TP73: variants seen among roughly 807,000 people sequenced by gnomAD.
TP73 encodes p53-like transcription factor.
Under a neutral mutation model 62.5 loss-of-function variants are expected in TP73, and 25 were observed. The observed-to-expected ratio is 0.40, with a 90% confidence interval of 0.29 to 0.56. The LOEUF (loss-of-function observed/expected upper bound fraction) is 0.56. Among genes scored for constraint, TP73 ranks in the 20% least tolerant of loss-of-function variants. TP73 has a pLI of 0.46. For missense variants in TP73, 754 were observed against 913.3 expected (o/e 0.83, Z 2.25); for synonymous variants, 423 against 377.5 (o/e 1.12, Z -1.40).
chr1:3,707,311 G>A (rs1007440774), intron 3 of TP73, among the ~76,000 whole-genome samples: 7 of 152,196 alleles, frequency 4.6e-5, no homozygotes, highest in African/African-American at 1.7e-4. Flanking sequence ...ATCAACGGCT[G>A]GGTGGATCCC....
At position 3,707,543 on chromosome 1, in the gene TP73, C is replaced by A. The variant is rs1229632909; in HGVS notation, c.187-6C>A. On this transcript the variant is annotated splice_polypyrimidine_tract_variant and splice_region_variant and intron_variant, in intron 3 of 13. Coordinates refer to ENST00000378295, the MANE Select transcript of TP73 (RefSeq NM_005427.4). Reference sequence around the variant, plus strand: ...TCCCCCTCCCTCCTCCCCTTTCCCGCGCCAGGCCCAGTTCAATCTGCTGAG... The same window carrying A: ...TCCCCCTCCCTCCTCCCCTTTCCCGAGCCAGGCCCAGTTCAATCTGCTGAG... The A allele has an allele frequency of 1.9e-6, 3 of 1,602,464 alleles. No homozygotes were observed. The highest frequency in any genetic ancestry group is 2.6e-6 in the Non-Finnish European group (3 of 1,171,412).
chr1:3,691,523 G>A (rs970697939), intron 3 of TP73, among the ~76,000 whole-genome samples: 1 of 152,104 alleles, frequency 6.6e-6, no homozygotes, highest in African/African-American at 2.4e-5. Flanking sequence ...GGCCTCTTGC[G>A]CCACCCGCCC....
intron 3 of TP73, among the ~76,000 whole-genome samples, chr1:3,688,240 A>G (rs1645715398): frequency 3.3e-5 from 5 of 152,072 alleles, no homozygotes; most frequent in Admixed American, 3.3e-4. Flanking sequence ...GTGACAAAGC[A>G]CTTTGGGGCT....
Position 3,696,531 on chromosome 1 carries a change from C to T in TP73, c.187-11018C>T, listed in dbSNP as rs563217381. On this transcript the variant is annotated intron_variant, in intron 3 of 13. Transcript: ENST00000378295. This position sits in a 1 kb window ranked among gnomAD's most constrained non-coding sequence, Gnocchi z 4.1. Reference sequence around the variant, plus strand: ...TGGAGCTGAGCACTGGGCACTACGACATCCGAGACACCAAGCAGAGGGGGA... The same window carrying T: ...TGGAGCTGAGCACTGGGCACTACGATATCCGAGACACCAAGCAGAGGGGGA... Among the ~76,000 whole-genome samples, 69 of 151,784 alleles carry T rather than the reference C, an allele frequency of 4.5e-4. No homozygotes were observed. The highest frequency in any genetic ancestry group is 1.3e-3 in the African/African-American group (55 of 41,358).
rs530483721 is a variant in TP73, at chr1:3,658,807, G to A, written c.-34+6166G>A. 1.7e-4 allele frequency: 25 copies of A among 151,024 alleles called. No individual in the cohort carries two copies. In the East Asian group the frequency reaches 2.9e-3, roughly 18 times the overall value. The allele number at this position is 151,024 out of a possible 1,614,324, so 9.4% of individuals were successfully genotyped here. ...TCCTACAGTCATATTTTGGGGTGAC[G>A]TATTCTGGTCTCCTACAGTCATATT... On this transcript the variant is annotated intron_variant, in intron 1 of 13. Transcript: ENST00000378295.
chr1:3,714,005 A>G (rs987111199), intron 4 of TP73, among the ~76,000 whole-genome samples: 3 of 152,088 alleles, frequency 2.0e-5, no homozygotes, highest in Non-Finnish European at 4.4e-5. Flanking sequence ...CAAGGGTTGC[A>G]AACCCACCCC....
At chr1:3,694,742 G>A (rs112835315) in intron 3 of TP73, among the ~76,000 whole-genome samples, 6 of 33,464 alleles carry the variant, frequency 1.8e-4, no homozygotes, top group Admixed American at 2.6e-4. Context: ...CCCTCCTCCC[G>A]CAATCCCAGC....
Position 3,670,755 on chromosome 1 carries a change from T to A in TP73, c.-33-11578T>A, listed in dbSNP as rs919004023. Among the ~76,000 whole-genome samples, 1 of 152,152 alleles carries A rather than the reference T, an allele frequency of 6.6e-6. No individual in the cohort carries two copies. The highest frequency in any genetic ancestry group is 2.4e-5 in the African/African-American group (1 of 41,426). ...GGAAGTCGAGCAATTTAACCCCAAATGGTGCTTCTCCAGCAGTCACTCTGT... is the reference window on the plus strand; with the variant it reads ...GGAAGTCGAGCAATTTAACCCCAAAAGGTGCTTCTCCAGCAGTCACTCTGT... On this transcript the variant is annotated intron_variant, in intron 1 of 13. Coordinates refer to ENST00000378295, the MANE Select transcript of TP73 (RefSeq NM_005427.4). This position sits in a 1 kb window ranked among gnomAD's most constrained non-coding sequence, Gnocchi z 5.9.
chr1:3,671,598 G>T (rs114828477), intron 1 of TP73, among the ~76,000 whole-genome samples: 1,802 of 152,346 alleles, frequency 0.012, 41 homozygotes, highest in African/African-American at 0.038. Context: ...GAGCTCACCG[G>T]AGCCCAGCCT....
intron 6 of TP73, among the ~76,000 whole-genome samples, chr1:3,724,182 G>A (rs1468369028): frequency 2.6e-5 from 4 of 152,128 alleles, no homozygotes; most frequent in Non-Finnish European, 5.9e-5. Context: ...GAAAGGCTGG[G>A]GTAGGGGGAA....
chr1:3,695,324 G>A (rs1380304106), intron 3 of TP73, among the ~76,000 whole-genome samples: 1 of 152,154 alleles, frequency 6.6e-6, no homozygotes, highest in Admixed American at 6.5e-5. Context: ...TTCCTCCTGG[G>A]GCCGCTGTTC....
chr1:3,689,949 A>G (rs937516826), intron 3 of TP73, among the ~76,000 whole-genome samples: 1 of 152,128 alleles, frequency 6.6e-6, no homozygotes, highest in Non-Finnish European at 1.5e-5. Context: ...CAGACGGCCC[A>G]ACAGGGAGTG....
rs1642325401 is a variant in TP73 at position 3,734,002 on chromosome 1, TGAGTGAGAAG to T, written c.*924_*933del. ...CGCCCATGAGCCAGGCTGAGGAAGC[TGAGTGAGAAG>T]CCAGGTGGGCGGGACTTGTTCCCAG... is the stretch of plus-strand genomic sequence containing the variant. On this transcript the variant is annotated 3_prime_UTR_variant, in exon 14 of 14. Coordinates refer to ENST00000378295, the MANE Select transcript of TP73 (RefSeq NM_005427.4). The surrounding 1 kb of genome is among the most constrained non-coding windows in gnomAD (Gnocchi z 4.4). 6.6e-6 allele frequency: 1 copy of T among 150,714 alleles called. No homozygotes were observed. The highest frequency in any genetic ancestry group is 2.4e-5 in the African/African-American group (1 of 40,996). 9.3% of individuals were successfully genotyped at this position (150,714 alleles called of 1,614,324 possible). A position where few individuals can be genotyped will look rare whatever the true frequency, so the allele number is the denominator to read the frequency against.
At chr1:3,716,374 G>A (rs748585926) in intron 4 of TP73, among the ~76,000 whole-genome samples, 2 of 152,198 alleles carry the variant, frequency 1.3e-5, no homozygotes, top group African/African-American at 2.4e-5. Context: ...TCTGAAGCTC[G>A]CTTGGGCCTC....
chr1:3,712,625 A>AT (rs2124427309), intron 4 of TP73, among the ~76,000 whole-genome samples: 1 of 152,286 alleles, frequency 6.6e-6, no homozygotes, highest in East Asian at 1.9e-4. Flanking sequence ...GCATGATCCA[A>AT]TTTACGTTTT....
At chr1:3,669,754 G>A (rs1451586320) in intron 1 of TP73, among the ~76,000 whole-genome samples, 1 of 152,246 alleles carries the variant, frequency 6.6e-6, no homozygotes, top group African/African-American at 2.4e-5. Flanking sequence ...TGTTCCTTCT[G>A]CCTGGGTCCT....
At chr1:3,715,987 C>T (rs1465932842) in intron 4 of TP73, among the ~76,000 whole-genome samples, 2 of 152,170 alleles carry the variant, frequency 1.3e-5, no homozygotes, top group Admixed American at 6.5e-5. Context: ...GCTTCCAGGC[C>T]GTTGAGAGTC....
chr1:3,711,869 C>T (rs976375907), intron 4 of TP73, among the ~76,000 whole-genome samples: 10 of 106,604 alleles, frequency 9.4e-5, no homozygotes, highest in African/African-American at 2.4e-4. Flanking sequence ...TGTGTGTGTG[C>T]GCGAGCATGT....
chr1:3,727,100 C>G lies in TP73; in HGVS notation c.733-15C>G. 6.2e-7 allele frequency: 1 copy of G among 1,606,998 alleles called. No individual in the cohort carries two copies. The highest frequency in any genetic ancestry group is 1.1e-5 in the South Asian group (1 of 90,678). ...GTGCTGATGCTAGCCCCTCTCCCTG[C>G]TCCCCCATGTGCAGGTGGGGACGGA... is the stretch of plus-strand genomic sequence containing the variant. On this transcript the variant is annotated splice_polypyrimidine_tract_variant and intron_variant, in intron 6 of 13. Transcript: ENST00000378295.
Sources: gnomAD v4.1 joint callset for allele counts (sites outside exome capture counted in the v4.1 genomes callset) on GRCh38, gnomAD v4.1.1 for gene constraint, Gnocchi (gnomAD v3.1) non-coding constraint, MANE v1.5 for transcripts, NCBI Gene and HGNC (gene_info 2026-07-23, HGNC 2026-07-21) for gene names.